The following SENP7 variants were observed in gnomAD, a reference collection of about 807,000 sequenced individuals.
The protein encoded by SENP7 is SUMO specific peptidase 7, also known as sentrin-specific protease 7.
In SENP7, 64 loss-of-function variants were observed where a neutral mutation model predicts 141.2. The observed-to-expected ratio is 0.45, with a 90% CI of 0.37 to 0.56. The LOEUF (loss-of-function observed/expected upper bound fraction) is 0.56, where lower values mean the gene tolerates loss of function less well. Ranked by LOEUF, SENP7 falls within the 20% of genes least tolerant of loss-of-function variation. The probability of loss-of-function intolerance (pLI) is 0.00; values close to 1 mark genes in which losing one functional copy is unlikely to be tolerated. For synonymous variants in SENP7, 382 were observed against 426.4 expected, an observed-to-expected ratio of 0.90 and a Z score of 1.28; for missense variants, 1,025 against 1,212.2, an observed-to-expected ratio of 0.85 and a Z score of 2.29.
intron 6 of SENP7, among the ~76,000 whole-genome samples, chr3:101,373,166 A>G (rs1182680522): frequency 1.3e-5 from 2 of 152,078 alleles, no homozygotes; most frequent in Non-Finnish European, 2.9e-5. Flanking sequence ...TACACTGCTC[A>G]TTTTCATATT....
At chr3:101,457,517 C>T (rs1051989994) in intron 4 of SENP7, 15 of 1,609,316 alleles carry the variant, frequency 9.3e-6, no homozygotes, top group African/African-American at 1.3e-5. Flanking sequence ...TAAAGTGGAT[C>T]ACTGTTCCTT....
intron 15 of SENP7, among the ~76,000 whole-genome samples, chr3:101,341,362 A>G (rs1178607098): frequency 6.6e-6 from 1 of 152,216 alleles, no homozygotes; most frequent in Admixed American, 6.5e-5. Flanking sequence ...TTTTAAAATC[A>G]TACATTGCTA....
At chr3:101,511,189 A>G (rs1280231747) in intron 1 of SENP7, among the ~76,000 whole-genome samples, 1 of 152,212 alleles carries the variant, frequency 6.6e-6, no homozygotes, top group Non-Finnish European at 1.5e-5. Flanking sequence ...ACTAACGTAA[A>G]TATCAATGTC....
At chr3:101,337,365 G>T in intron 17 of SENP7, 144 bp downstream of exon 17, 1 of 473,074 alleles carries the variant, frequency 2.1e-6, no homozygotes, top group Non-Finnish European at 3.7e-6. Flanking sequence ...ATGAGAAATG[G>T]CTCTCATGGC....
chr3:101,332,177 T>C (rs984325587), intron 18 of SENP7, 68 bp from the exon 19 acceptor site: 39 of 1,434,688 alleles, frequency 2.7e-5, no homozygotes, highest in Non-Finnish European at 3.2e-5. Flanking sequence ...ATTCTAGAGA[T>C]ACATCTGAGA....
intron 6 of SENP7, among the ~76,000 whole-genome samples, chr3:101,373,101 T>A (rs2060226414): frequency 6.6e-6 from 1 of 152,070 alleles, no homozygotes; most frequent in African/African-American, 2.4e-5. Flanking sequence ...AAAGCTACAG[T>A]ATCCAAACAT....
At chr3:101,385,472 G>T (rs1451524800) in intron 6 of SENP7, among the ~76,000 whole-genome samples, 12 of 152,178 alleles carry the variant, frequency 7.9e-5, no homozygotes, top group African/African-American at 2.7e-4. Flanking sequence ...ACTTAGCAAA[G>T]CAGGTGGTCC....
At chr3:101,435,232 A>C (rs376063453) in intron 4 of SENP7, among the ~76,000 whole-genome samples, 1 of 15,932 alleles carries the variant, frequency 6.3e-5, no homozygotes, top group South Asian at 1.6e-3. Context: ...TCTTCATAAT[A>C]AAAAAAAAAC....
Position 101,358,208 on chromosome 3 carries a change from T to C in SENP7, c.1623+3507A>G, listed in dbSNP as rs76503511. On this transcript the variant is annotated intron_variant, in intron 11 of 23. Transcript: ENST00000394095. ...AATGTGGCAAAACCTTCACCTGGTT[T>C]AGTCAAGCCTCACTAAACATAAGAG... 945 of 688,470 alleles carry C rather than the reference T, an allele frequency of 1.4e-3. 11 individuals carry two copies. The African/African-American group carries it at 0.016, about 12-fold the overall frequency. 42.6% of individuals were successfully genotyped at this position (688,470 alleles called of 1,614,324 possible).
chr3:101,506,019 A>ATTT (rs143265103), intron 1 of SENP7, among the ~76,000 whole-genome samples: 2,295 of 142,106 alleles, frequency 0.016, 107 homozygotes, highest in African/African-American at 0.032. Context: ...TTTATTCCAT[A>ATTT]ATTTTTTTTT....
chr3:101,331,641 G>C (rs948244298), intron 19 of SENP7, among the ~76,000 whole-genome samples: 2 of 151,672 alleles, frequency 1.3e-5, no homozygotes, highest in African/African-American at 2.4e-5. Context: ...AAATGGGAGT[G>C]GTCACAGAGG....
intron 18 of SENP7, 73 bp from the exon 19 acceptor site, chr3:101,332,182 C>A: frequency 7.2e-7 from 1 of 1,398,366 alleles, no homozygotes; most frequent in Non-Finnish European, 9.7e-7. Context: ...AGAGATACAT[C>A]TGAGAAAGTG....
At chr3:101,487,714 G>A (rs2064790705) in intron 3 of SENP7, among the ~76,000 whole-genome samples, 1 of 151,830 alleles carries the variant, frequency 6.6e-6, no homozygotes, top group Non-Finnish European at 1.5e-5. Context: ...TTATTGAATA[G>A]GGAATCCTTT....
chr3:101,447,803 G>A (rs919012706), intron 4 of SENP7, among the ~76,000 whole-genome samples: 1 of 147,618 alleles, frequency 6.8e-6, no homozygotes, highest in Non-Finnish European at 1.5e-5. Flanking sequence ...AAATAGCAAA[G>A]TTGTAAGACC....
intron 4 of SENP7, among the ~76,000 whole-genome samples, chr3:101,447,506 T>C (rs2062941128): frequency 6.6e-6 from 1 of 151,734 alleles, no homozygotes; most frequent in African/African-American, 2.4e-5. Context: ...GCTTCAGAAA[T>C]AAGAAAGTAT....
intron 1 of SENP7, among the ~76,000 whole-genome samples, chr3:101,502,185 G>T (rs968154310): frequency 2.0e-5 from 3 of 152,178 alleles, no homozygotes; most frequent in African/African-American, 7.2e-5. Flanking sequence ...CATGATGACT[G>T]GGTGTTCACA....
intron 18 of SENP7, 95 bp downstream of exon 18, chr3:101,332,675 T>G: frequency 1.5e-6 from 1 of 667,378 alleles, no homozygotes; most frequent in Admixed American, 3.4e-5. Context: ...GAGATGTATG[T>G]GGCCATAATT....
intron 4 of SENP7, among the ~76,000 whole-genome samples, chr3:101,452,259 G>C: frequency 6.6e-6 from 1 of 152,180 alleles, no homozygotes; most frequent in Non-Finnish European, 1.5e-5. Flanking sequence ...TGGGTAGGAA[G>C]AATCAATATC....
At chr3:101,328,435 G>T (rs372934144) in intron 22 of SENP7, 43 bp downstream of exon 22, 3 of 1,449,124 alleles carry the variant, frequency 2.1e-6, no homozygotes, top group Non-Finnish European at 2.9e-6. Context: ...AATTACTGAG[G>T]TTTTAGATAA....
Sources: allele counts gnomAD v4.1 joint callset (sites outside exome capture counted in the v4.1 genomes callset), GRCh38; gene constraint gnomAD v4.1.1; transcripts MANE v1.5; gene names NCBI Gene and HGNC (gene_info 2026-07-23, HGNC 2026-07-21).